The following MSR1 variants were observed in gnomAD, a reference collection of about 807,000 sequenced individuals.
MSR1 encodes macrophage scavenger receptor types I and II.
In MSR1, 53 loss-of-function variants were observed where a neutral mutation model predicts 47.2. The observed-to-expected ratio is 1.12, with a 90% confidence interval of 0.90 to 1.41. The LOEUF is 1.41. Ranked by LOEUF, MSR1 falls within the 40% of genes most tolerant of loss-of-function variation. The pLI is 0.00. For missense variants in MSR1, 786 were observed against 546.9 expected (o/e 1.44, Z -4.36); for synonymous variants, 239 against 185.6 (o/e 1.29, Z -2.34).
At chr8:16,166,544 T>C (rs1284888338) in intron 4 of MSR1, among the ~76,000 whole-genome samples, 4 of 152,078 alleles carry the variant, frequency 2.6e-5, no homozygotes, top group African/African-American at 9.7e-5. Flanking sequence ...TTATTTTCAC[T>C]GGGAGGAGGA....
In MSR1 at chr8:16,150,244, A is replaced by C; in HGVS notation, c.966T>G (p.Tyr322Ter). ...GFPGSRGLPG[Y>*]AGRPGNSGPK... ...TTATTGTAATACCTGGCCTTCCGGC[A>C]TATCCTGGGAGTCCTCGACTTCCAG... The change falls in exon 7 of 10, where the codon TAT becomes TAG. Residue 322 changes from tyrosine (Y) to a stop codon, truncating the protein, a stop_gained. Transcript: ENST00000262101. LOFTEE classifies it high-confidence loss of function. 6.5e-7 allele frequency: 1 copy of C among 1,547,060 alleles called. No homozygotes were observed. The highest frequency in any genetic ancestry group is 2.4e-5 in the East Asian group (1 of 42,398).
At chr8:16,186,305 T>G in intron 1 of MSR1, 1 of 1,038,362 alleles carries the variant, frequency 9.6e-7, no homozygotes. Flanking sequence ...CTGTTTTCTC[T>G]CCTATTTTCA....
intron 7 of MSR1, among the ~76,000 whole-genome samples, chr8:16,144,462 A>C (rs1800645617): frequency 6.6e-6 from 1 of 152,112 alleles, no homozygotes; most frequent in Non-Finnish European, 1.5e-5. Flanking sequence ...AACCTTTGTT[A>C]ATGTTTTTGA....
chr8:16,155,047 A>G lies in MSR1; in HGVS notation c.898+17T>C. ...CTATCTTCACAGTATATGATTAAAT[A>G]GCTAAAATTACCATACCTATTGGAC... On this transcript the variant is annotated intron_variant, in intron 6 of 9. Coordinates refer to ENST00000262101, the MANE Select transcript of MSR1 (RefSeq NM_138715.3). 6.3e-7 allele frequency: 1 copy of G among 1,597,480 alleles called. No individual in the cohort carries two copies. The highest frequency in any genetic ancestry group is 2.2e-5 in the East Asian group (1 of 44,742).
intron 5 of MSR1, among the ~76,000 whole-genome samples, chr8:16,157,085 A>C (rs1299553823): frequency 1.3e-5 from 2 of 152,036 alleles, no homozygotes; most frequent in Admixed American, 1.3e-4. Context: ...TTTTGAAAAA[A>C]GTGCGCAAGC....
At chr8:16,121,772 A>G (rs1800010934) in intron 8 of MSR1, among the ~76,000 whole-genome samples, 1 of 151,910 alleles carries the variant, frequency 6.6e-6, no homozygotes, top group Admixed American at 6.6e-5. Flanking sequence ...TAACAAAAAT[A>G]TCTCTCTAAT....
chr8:16,190,961 T>G (rs1422846033), intron 1 of MSR1, among the ~76,000 whole-genome samples: 4 of 152,098 alleles, frequency 2.6e-5, no homozygotes, highest in Admixed American at 1.3e-4. Flanking sequence ...CCTCAGGTAA[T>G]CCACCTGCCT....
chr8:16,138,539 C>G (rs1200900757), intron 8 of MSR1, among the ~76,000 whole-genome samples: 3 of 152,152 alleles, frequency 2.0e-5, no homozygotes, highest in African/African-American at 7.2e-5. Flanking sequence ...TAGTTTTTCA[C>G]ACTGAAAAAT....
At chr8:16,181,980 G>T (rs192180216) in intron 1 of MSR1, among the ~76,000 whole-genome samples, 1 of 152,224 alleles carries the variant, frequency 6.6e-6, no homozygotes, top group Admixed American at 6.5e-5. Context: ...GAAATGCATT[G>T]CTAGTCAATT....
At chr8:16,148,893 C>T (rs1436690290) in intron 7 of MSR1, among the ~76,000 whole-genome samples, 1 of 152,004 alleles carries the variant, frequency 6.6e-6, no homozygotes, top group Admixed American at 6.6e-5. Context: ...ATAGAGAAAC[C>T]TTACATTCAT....
At chr8:16,182,990 G>A (rs1168427439) in intron 1 of MSR1, among the ~76,000 whole-genome samples, 1 of 152,160 alleles carries the variant, frequency 6.6e-6, no homozygotes, top group Non-Finnish European at 1.5e-5. Context: ...AAATATGTGA[G>A]TAATGCAATT....
At chr8:16,176,507 A>C (rs1397315425) in intron 2 of MSR1, among the ~76,000 whole-genome samples, 4 of 142,034 alleles carry the variant, frequency 2.8e-5, no homozygotes, top group Non-Finnish European at 6.0e-5. Flanking sequence ...ACCCTGTCTC[A>C]AAAAGAAAAA....
At chr8:16,144,514 A>G (rs1247184710) in intron 7 of MSR1, among the ~76,000 whole-genome samples, 2 of 152,140 alleles carry the variant, frequency 1.3e-5, no homozygotes, top group African/African-American at 2.4e-5. Context: ...TTTTCATCCT[A>G]GAGCTCAGAG....
At chr8:16,137,975 G>C (rs113824772) in intron 8 of MSR1, among the ~76,000 whole-genome samples, 1 of 149,292 alleles carries the variant, frequency 6.7e-6, no homozygotes, top group African/African-American at 2.5e-5. Context: ...CTGTGCAACA[G>C]AGCAAGACTC....
At chr8:16,151,992 T>C (rs1049270449) in intron 6 of MSR1, among the ~76,000 whole-genome samples, 3 of 152,178 alleles carry the variant, frequency 2.0e-5, no homozygotes, top group Non-Finnish European at 2.9e-5. Context: ...GCTGATGTGA[T>C]AGTTAAAAGA....
At chr8:16,113,035 C>T (rs1799795809) in intron 9 of MSR1, among the ~76,000 whole-genome samples, 2 of 150,142 alleles carry the variant, frequency 1.3e-5, no homozygotes, top group Admixed American at 6.7e-5. Flanking sequence ...ACTGCACTTC[C>T]GCTTCCTGGG....
At chr8:16,123,592 G>C (rs1428535140) in intron 8 of MSR1, among the ~76,000 whole-genome samples, 1 of 150,304 alleles carries the variant, frequency 6.7e-6, no homozygotes, top group Non-Finnish European at 1.5e-5. Flanking sequence ...ATATGTGTGT[G>C]TGTGTGTGTG....
chr8:16,162,883 T>A (rs36101913), intron 5 of MSR1, among the ~76,000 whole-genome samples: 11,013 of 151,794 alleles, frequency 0.073, 746 homozygotes, highest in East Asian at 0.34. Flanking sequence ...TTTCCCTAAT[T>A]AAGGCTCCAC....
chr8:16,120,306 G>A (rs1585135544), intron 9 of MSR1, 112 bp downstream of exon 9: 3 of 1,102,028 alleles, frequency 2.7e-6, no homozygotes, highest in Non-Finnish European at 4.1e-6. Context: ...GAATCCGGGA[G>A]GCAGAGGTTG....
Sources: gnomAD v4.1 joint callset for allele counts (sites outside exome capture counted in the v4.1 genomes callset) on GRCh38, gnomAD v4.1.1 for gene constraint, MANE v1.5 for transcripts, NCBI Gene and HGNC (gene_info 2026-07-23, HGNC 2026-07-21) for gene names.